ARMH3: variants seen among roughly 807,000 people sequenced by gnomAD.
ARMH3 encodes armadillo like helical domain containing 3, also known as armadillo-like helical domain-containing protein 3.
Under a neutral mutation model 99.1 loss-of-function variants are expected in ARMH3, and 60 were observed. The ratio of observed to expected loss-of-function variants is 0.61; its 90% CI spans 0.49 to 0.75. The LOEUF (loss-of-function observed/expected upper bound fraction) is 0.75, where lower values mean the gene tolerates loss of function less well. Ranked by LOEUF, ARMH3 falls within the 30% of genes least tolerant of loss-of-function variation. ARMH3 has a pLI of 0.00. For missense variants in ARMH3, 679 were observed against 843.1 expected (o/e 0.81, Z 2.41); for synonymous variants, 285 against 292.8 (o/e 0.97, Z 0.27).
At chr10:101,913,768 G>T (rs1842967617) in intron 23 of ARMH3, among the ~76,000 whole-genome samples, 1 of 152,140 alleles carries the variant, frequency 6.6e-6, no homozygotes, top group Non-Finnish European at 1.5e-5. Flanking sequence ...CTCCTTCCCG[G>T]AGCTGCCATG....
chr10:101,849,728 G>A, intron 25 of ARMH3, 48 bp downstream of exon 25: 1 of 1,507,764 alleles, frequency 6.6e-7, no homozygotes, highest in Non-Finnish European at 9.2e-7. Context: ...GAACCCAGTG[G>A]CTGGGGGCGG....
chr10:101,896,813 C>T (rs1239933915), intron 23 of ARMH3, among the ~76,000 whole-genome samples: 1 of 152,172 alleles, frequency 6.6e-6, no homozygotes, highest in South Asian at 2.1e-4. Context: ...AGAGAGAGGG[C>T]TCTGTGGTGC....
At chr10:101,951,302 GCTCA>G (rs923918897) in intron 22 of ARMH3, among the ~76,000 whole-genome samples, 1 of 152,202 alleles carries the variant, frequency 6.6e-6, no homozygotes, top group African/African-American at 2.4e-5. Context: ...GGGTGCAGTG[GCTCA>G]TGCCTGTAAT....
rs1845055904 is a variant in ARMH3 at position 101,956,692 on chromosome 10, T to C, written c.1610A>G (p.Tyr537Cys). 6 of 1,613,634 alleles carry C rather than the reference T, an allele frequency of 3.7e-6. No individual in the cohort carries two copies. The highest frequency in any genetic ancestry group is 5.1e-6 in the Non-Finnish European group (6 of 1,179,636). ...GGGGGTTGGCAGAAATGTGTCGCCA[T>C]ATGTGATAAACATATTAAATAGGTT... is the stretch of plus-strand genomic sequence containing the variant. ...IVNLFNMFIT[Y>C]GDTFLPTPSS... The change falls in exon 22 of 26, where the codon TAT (tyrosine) becomes TGT (cysteine). Residue 537 changes from tyrosine to cysteine, a missense_variant. Physicochemically the swap from Tyr to Cys is radical, Grantham distance 194. Around this residue, in one of 3 missense-constraint regions of ARMH3, gnomAD observed 389 missense variants for 456.5 expected, o/e 0.85. Coordinates refer to ENST00000370033, the MANE Select transcript of ARMH3 (RefSeq NM_024541.3).
chr10:102,007,847 A>AG, intron 13 of ARMH3, among the ~76,000 whole-genome samples: 1 of 150,578 alleles, frequency 6.6e-6, no homozygotes, highest in Non-Finnish European at 1.5e-5. Flanking sequence ...AAAAAAAAAA[A>AG]AAAAAAAAAG....
chr10:101,994,144 C>T (rs1564831008), intron 16 of ARMH3, among the ~76,000 whole-genome samples: 1 of 152,240 alleles, frequency 6.6e-6, no homozygotes, highest in Non-Finnish European at 1.5e-5. Context: ...TCAAAAACCT[C>T]TTACCATGGA....
At chr10:101,875,062 G>A (rs544110573) in intron 24 of ARMH3, among the ~76,000 whole-genome samples, 1 of 152,252 alleles carries the variant, frequency 6.6e-6, no homozygotes, top group East Asian at 1.9e-4. Context: ...CTTCTGCATG[G>A]AAGAAAATAA....
intron 20 of ARMH3, among the ~76,000 whole-genome samples, chr10:101,970,667 A>C (rs1248459447): frequency 6.6e-6 from 1 of 151,946 alleles, no homozygotes. Flanking sequence ...AAAAAAAAAA[A>C]TACAAAAATA....
chr10:101,884,860 A>G (rs986198722), intron 24 of ARMH3, among the ~76,000 whole-genome samples: 4 of 152,226 alleles, frequency 2.6e-5, no homozygotes, highest in African/African-American at 9.6e-5. Flanking sequence ...GACACTAACA[A>G]TAGAGTAAAA....
intron 24 of ARMH3, among the ~76,000 whole-genome samples, chr10:101,861,984 G>A (rs2066885227): frequency 7.0e-6 from 1 of 142,386 alleles, no homozygotes; most frequent in Admixed American, 7.5e-5. Flanking sequence ...GGGAGGCGGA[G>A]CTTGCAGTGA....
intron 24 of ARMH3, among the ~76,000 whole-genome samples, chr10:101,872,053 GATTT>G (rs1417483146): frequency 1.3e-5 from 2 of 151,676 alleles, no homozygotes; most frequent in Non-Finnish European, 2.9e-5. Context: ...AGTAGGCAGA[GATTT>G]ATTAAATAAA....
At chr10:101,889,542 A>C in intron 23 of ARMH3, 52 bp from the exon 24 acceptor site, 2 of 1,492,418 alleles carry the variant, frequency 1.3e-6, no homozygotes, top group Non-Finnish European at 1.9e-6. Context: ...AGGTGGATAC[A>C]TCTGTTAAAA....
chr10:101,967,871 T>C (rs1167380007), intron 20 of ARMH3, among the ~76,000 whole-genome samples: 2 of 152,144 alleles, frequency 1.3e-5, no homozygotes, highest in Admixed American at 6.5e-5. Flanking sequence ...TCTGGCTGTA[T>C]GCTATCAGCC....
At chr10:101,887,358 GCAC>G (rs963145712) in intron 24 of ARMH3, among the ~76,000 whole-genome samples, 4 of 152,028 alleles carry the variant, frequency 2.6e-5, no homozygotes, top group Non-Finnish European at 2.9e-5. Context: ...ACTTACCTTA[GCAC>G]CACAACTTAT....
At chr10:101,906,574 T>A (rs1382100144) in intron 23 of ARMH3, among the ~76,000 whole-genome samples, 1 of 152,138 alleles carries the variant, frequency 6.6e-6, no homozygotes, top group Non-Finnish European at 1.5e-5. Flanking sequence ...GAAGGCAGGG[T>A]TGAAAGAACC....
chr10:101,981,621 C>T (rs1846236775), intron 19 of ARMH3, among the ~76,000 whole-genome samples: 1 of 152,210 alleles, frequency 6.6e-6, no homozygotes, highest in Non-Finnish European at 1.5e-5. Flanking sequence ...TCTACTTGCT[C>T]CATTATTCAC....
At chr10:102,041,860 G>A (rs1429368415) in intron 1 of ARMH3, among the ~76,000 whole-genome samples, 6 of 151,994 alleles carry the variant, frequency 3.9e-5, no homozygotes, top group Admixed American at 3.3e-4. Context: ...ATGTTGGCCA[G>A]GCTGCTCTCA....
At chr10:101,996,631 A>G (rs1590155967) in intron 15 of ARMH3, among the ~76,000 whole-genome samples, 1 of 152,196 alleles carries the variant, frequency 6.6e-6, no homozygotes, top group African/African-American at 2.4e-5. Context: ...ACTCCCACAG[A>G]AAAGCCTGCA....
At chr10:102,016,853 C>A (rs1430191637) in intron 8 of ARMH3, among the ~76,000 whole-genome samples, 1 of 152,192 alleles carries the variant, frequency 6.6e-6, no homozygotes, top group Non-Finnish European at 1.5e-5. Flanking sequence ...GTACACTTAA[C>A]GTTTTCCATT....
Sources: gnomAD v4.1 joint callset for allele counts (sites outside exome capture counted in the v4.1 genomes callset) on GRCh38, gnomAD v4.1.1 for gene constraint, gnomAD v4.1.1 regional missense constraint, MANE v1.5 for transcripts, NCBI Gene and HGNC (gene_info 2026-07-23, HGNC 2026-07-21) for gene names.